WDR35: variants seen among roughly 807,000 people sequenced by gnomAD.
The protein encoded by WDR35 is WD repeat domain 35.
Under a neutral mutation model 158.3 loss-of-function variants are expected in WDR35, and 118 were observed. That is an observed-to-expected ratio of 0.75 (90% confidence interval 0.64 to 0.87). WDR35 has a LOEUF of 0.87. Among genes scored for constraint, WDR35 ranks in the 40% least tolerant of loss-of-function variants. The pLI, the probability that WDR35 is intolerant of heterozygous loss-of-function variation, is 0.00. For missense variants in WDR35, 1,263 were observed against 1,405.8 expected, an observed-to-expected ratio of 0.90 and a Z score of 1.62; for synonymous variants, 448 against 476.1, an observed-to-expected ratio of 0.94 and a Z score of 0.77.
At chr2:19,918,137 A>G (rs1263177250) in intron 25 of WDR35, among the ~76,000 whole-genome samples, 2 of 152,238 alleles carry the variant, frequency 1.3e-5, no homozygotes, top group Non-Finnish European at 2.9e-5. Context: ...ATATCCAACC[A>G]AACTAAGCTT....
rs945815708 is a variant in WDR35, at chr2:19,934,407, C to A, written c.2548-896G>T. 6.6e-6 allele frequency among the ~76,000 whole-genome samples: 1 copy of A among 152,004 alleles called. No homozygotes were observed. The highest frequency in any genetic ancestry group is 1.5e-5 in the Non-Finnish European group (1 of 67,972). On this transcript the variant is annotated intron_variant, in intron 21 of 26. Coordinates refer to ENST00000281405, the MANE Select transcript of WDR35 (RefSeq NM_020779.4). The surrounding 1 kb of genome is among the most constrained non-coding windows in gnomAD (Gnocchi z 4.6). The stretch of plus-strand genomic sequence containing the variant: ...TATATATGTATATGTTTGTGTTGTA[C>A]ACAATCACACAATACACAATTTTGT...
intron 2 of WDR35, among the ~76,000 whole-genome samples, chr2:19,985,805 G>C (rs1160603575): frequency 1.3e-5 from 2 of 148,262 alleles, no homozygotes; most frequent in African/African-American, 2.5e-5. Context: ...GCTGAGGCAG[G>C]AGAATTGCTT....
chr2:19,972,842 T>C (rs925761176), intron 8 of WDR35, among the ~76,000 whole-genome samples: 10 of 152,216 alleles, frequency 6.6e-5, no homozygotes, highest in Admixed American at 2.0e-4. Flanking sequence ...AATATAGTAC[T>C]GGGTTAGAAA....
chr2:19,989,149 G>A lies in WDR35; in HGVS notation c.142+16C>T. Reference sequence around the variant, plus strand: ...AGCCAATTTACTACCAAACATGTGGGCTTGCATTCATTTACCTGTCTGCGT... The same window carrying A: ...AGCCAATTTACTACCAAACATGTGGACTTGCATTCATTTACCTGTCTGCGT... On this transcript the variant is annotated intron_variant, in intron 2 of 26. Coordinates refer to ENST00000281405, the MANE Select transcript of WDR35 (RefSeq NM_020779.4). The A allele has an allele frequency of 6.2e-7, 1 of 1,606,200 alleles. No individual in the cohort carries two copies. Among genetic ancestry groups the A allele is most frequent in the Non-Finnish European group, 8.5e-7 (1 of 1,172,798 alleles).
In WDR35 at chr2:19,989,161, T is replaced by C; in HGVS notation, c.142+4A>G. 1 of 1,613,570 alleles carries C rather than the reference T, an allele frequency of 6.2e-7. No individual in the cohort carries two copies. Among genetic ancestry groups the C allele is most frequent in the Non-Finnish European group, 8.5e-7 (1 of 1,179,476 alleles). On this transcript the variant is annotated splice_donor_region_variant and intron_variant, in intron 2 of 26. Transcript: ENST00000281405. ...ACCAAACATGTGGGCTTGCATTCAT[T>C]TACCTGTCTGCGTCTCTAATTTCAA...
intron 3 of WDR35, among the ~76,000 whole-genome samples, chr2:19,981,620 C>T (rs1115274): frequency 6.6e-6 from 1 of 151,932 alleles, no homozygotes; most frequent in Non-Finnish European, 1.5e-5. Context: ...TGAGCTCAAG[C>T]GATCCTCCCA....
Position 19,990,078 on chromosome 2 carries a change from C to T in WDR35, c.-63G>A. On this transcript the variant is annotated 5_prime_UTR_variant, in exon 1 of 27. Transcript: ENST00000281405. ...CCCTCGACAAGTAACGGTTCTACGT[C>T]TCCAATCGGGAGTACCAGCAGCTCC... The T allele has an allele frequency of 6.2e-7, 1 of 1,601,472 alleles. No homozygotes were observed. Among genetic ancestry groups the T allele is most frequent in the South Asian group, 1.1e-5 (1 of 89,114 alleles).
intron 22 of WDR35, 76 bp downstream of exon 22, chr2:19,933,325 G>C: frequency 8.5e-7 from 1 of 1,176,810 alleles, no homozygotes; most frequent in South Asian, 1.2e-5. Context: ...AAGATCACTA[G>C]GGTGACTTTA....
chr2:19,985,035 C>A (rs998230592), intron 2 of WDR35, among the ~76,000 whole-genome samples: 1 of 152,140 alleles, frequency 6.6e-6, no homozygotes, highest in African/African-American at 2.4e-5. Context: ...GACACCTTAC[C>A]TGAGATTTCT....
rs530769091 is a variant in WDR35 at position 19,980,623 on chromosome 2, C to T, written c.307+68G>A. The T allele has an allele frequency of 6.3e-6, 8 of 1,264,004 alleles. No homozygotes were observed. The South Asian group carries it at 8.4e-5, about 13-fold the overall frequency. 78.3% of individuals were successfully genotyped at this position (1,264,004 alleles called of 1,614,324 possible). A position where few individuals can be genotyped will look rare whatever the true frequency, so the allele number is the denominator to read the frequency against. On this transcript the variant is annotated intron_variant, in intron 4 of 26. Transcript: ENST00000281405. ...GGTCTATTTTGGAGATGTTATTTAC[C>T]CATCCAAATACTGTGATCCAGATGC...
At chr2:19,929,165 A>G (rs1670450471) in intron 25 of WDR35, among the ~76,000 whole-genome samples, 1 of 152,204 alleles carries the variant, frequency 6.6e-6, no homozygotes, top group African/African-American at 2.4e-5. Context: ...AGAAAGGATC[A>G]AGTAACTATA....
intron 15 of WDR35, 129 bp from the exon 16 acceptor site, chr2:19,946,125 C>G (rs1430678639): frequency 9.7e-7 from 1 of 1,027,108 alleles, no homozygotes; most frequent in African/African-American, 1.6e-5. Flanking sequence ...GTAGAAATGG[C>G]TTAAAATTTT....
intron 10 of WDR35, among the ~76,000 whole-genome samples, chr2:19,963,968 T>C (rs1401517800): frequency 6.6e-6 from 1 of 152,126 alleles, no homozygotes; most frequent in African/African-American, 2.4e-5. Flanking sequence ...GGTCCCAAAC[T>C]CCTAACCTCA....
chr2:19,986,602 G>A (rs2103470613), intron 2 of WDR35, among the ~76,000 whole-genome samples: 1 of 152,318 alleles, frequency 6.6e-6, no homozygotes, highest in East Asian at 1.9e-4. Context: ...TTTAGAACAT[G>A]AAAGTCACTG....
Position 19,953,844 on chromosome 2 carries a change from C to A in WDR35, c.1390G>T (p.Gly464Trp), listed in dbSNP as rs765141696. The stretch of plus-strand genomic sequence containing the variant: ...TATCAAAAGATATACCTTTCTCTCC[C>A]TTCTTTTCGAGACCGTGTGATCTGA... ...INQITRSRKE[G>W]RERIYHVDDT... The change falls in exon 12 of 27, where the codon GGG (glycine) becomes TGG (tryptophan). Residue 464 changes from glycine (G) to tryptophan (W), a missense_variant. By Grantham distance (184) the Gly-to-Trp change is radical. Transcript: ENST00000281405. 6.2e-7 allele frequency: 1 copy of A among 1,614,062 alleles called. No individual in the cohort carries two copies. The highest frequency in any genetic ancestry group is 2.2e-5 in the East Asian group (1 of 44,862).
Position 19,935,508 on chromosome 2 carries a change from A to AG in WDR35, c.2509dup (p.Leu837ProfsTer26). ...GTGGTTTTCTGGAAGTGAAATGGCA[A>AG]GGTTCTCTAACCCTTCATAATCCTC... On this transcript the variant is annotated frameshift_variant, in exon 21 of 27. Transcript: ENST00000281405. LOFTEE classifies it high-confidence loss of function. 1 of 1,613,142 alleles carries AG rather than the reference A, an allele frequency of 6.2e-7. No homozygotes were observed. The highest frequency in any genetic ancestry group is 8.5e-7 in the Non-Finnish European group (1 of 1,179,562).
chr2:19,952,312 C>T (rs775893423), intron 12 of WDR35, among the ~76,000 whole-genome samples: 3 of 152,090 alleles, frequency 2.0e-5, no homozygotes, highest in Non-Finnish European at 2.9e-5. Flanking sequence ...GAATAATGAG[C>T]ACTGATTAGA....
chr2:19,953,964 C>T lies in WDR35; in HGVS notation c.1270G>A (p.Ala424Thr), dbSNP rs764354825. 1.9e-5 allele frequency: 30 copies of T among 1,613,938 alleles called. 1 individual carries two copies. In the Admixed American group the frequency reaches 2.0e-4, roughly 11 times the overall value. Reference protein sequence around the residue: ...KYIDIVPLFVAMTKTHVIAAS... With the variant: ...KYIDIVPLFVTMTKTHVIAAS... ...GCTATCACATGGGTTTTGGTCATTG[C>T]AACAAACAATGGTACTGTTAAAAAT... Residue 424 changes from alanine to threonine, a missense_variant, in exon 12 of 27, where the codon GCA becomes ACA. Transcript: ENST00000281405.
At chr2:19,980,814 A>T in intron 3 of WDR35, 31 bp from the exon 4 acceptor site, 1 of 1,583,972 alleles carries the variant, frequency 6.3e-7, no homozygotes, top group Non-Finnish European at 8.7e-7. Flanking sequence ...TTAGAAACTT[A>T]AAGGTTACAA....
Sources: allele counts gnomAD v4.1 joint callset (sites outside exome capture counted in the v4.1 genomes callset), GRCh38; gene constraint gnomAD v4.1.1; non-coding constraint Gnocchi (gnomAD v3.1); transcripts MANE v1.5; gene names NCBI Gene and HGNC (gene_info 2026-07-23, HGNC 2026-07-21).